Variants in MYH15 observed in about 807,000 individuals in gnomAD.
MYH15 encodes myosin-15.
Under a neutral mutation model 240.5 loss-of-function variants are expected in MYH15, and 227 were observed. That is an observed-to-expected ratio of 0.94 (90% CI 0.85 to 1.05). The LOEUF (loss-of-function observed/expected upper bound fraction) is 1.05. Among genes scored for constraint, MYH15 ranks in the 50% least tolerant of loss-of-function variants. The probability of loss-of-function intolerance (pLI) is 0.00; values close to 1 mark genes in which losing one functional copy is unlikely to be tolerated. For missense variants in MYH15, 2,217 were observed against 2,247.5 expected, an observed-to-expected ratio of 0.99 and a Z score of 0.27; for synonymous variants, 785 against 796.7, an observed-to-expected ratio of 0.99 and a Z score of 0.25.
In MYH15 at chr3:108,454,040, T is replaced by C. The variant is rs781183879; in HGVS notation, c.2365A>G (p.Met789Val). 1 of 1,612,302 alleles carries C rather than the reference T, an allele frequency of 6.2e-7. No homozygotes were observed. Among genetic ancestry groups the C allele is most frequent in the Non-Finnish European group, 8.5e-7 (1 of 1,178,768 alleles). ...AGAATCTTCTGGAATTTGATTCGCA[T>C]CAGTTTGCCCTGTGCTCTGGCTTGG... is the stretch of plus-strand genomic sequence containing the variant. ...LFQARAQGKL[M>V]RIKFQKILEE... The change falls in exon 21 of 41, where the codon ATG (methionine) becomes GTG (valine). Residue 789 changes from methionine (M) to valine (V), a missense_variant. By Grantham distance (21) the Met-to-Val change is conservative. Coordinates refer to ENST00000693548, the MANE Select transcript of MYH15 (RefSeq NM_014981.3).
chr3:108,524,964 C>T (rs2107272321), intron 1 of MYH15, among the ~76,000 whole-genome samples: 1 of 152,154 alleles, frequency 6.6e-6, no homozygotes, highest in East Asian at 1.9e-4. Context: ...AGAGCCATGT[C>T]CTTTAAAGAT....
upstream of MYH15, among the ~76,000 whole-genome samples, chr3:108,531,278 G>A (rs1210743047): frequency 6.6e-6 from 1 of 152,116 alleles, no homozygotes; most frequent in African/African-American, 2.4e-5. Context: ...CAGAGAAGCC[G>A]GTGGGACCCC....
intron 27 of MYH15, among the ~76,000 whole-genome samples, chr3:108,423,519 G>T (rs778700441): frequency 2.0e-5 from 3 of 152,338 alleles, no homozygotes; most frequent in South Asian, 2.1e-4. Flanking sequence ...CTAACTAGAA[G>T]AAAGCTATAG....
intron 25 of MYH15, among the ~76,000 whole-genome samples, chr3:108,431,470 T>C (rs1207446439): frequency 6.6e-6 from 1 of 152,242 alleles, no homozygotes; most frequent in East Asian, 1.9e-4. Context: ...TCTCTCTTTT[T>C]GCCTGCAGCA....
At chr3:108,432,225 A>T (rs1560357006) in intron 25 of MYH15, among the ~76,000 whole-genome samples, 1 of 151,852 alleles carries the variant, frequency 6.6e-6, no homozygotes, top group Non-Finnish European at 1.5e-5. Flanking sequence ...TGCCCAGCAA[A>T]TTTTTTGTCT....
intron 33 of MYH15, among the ~76,000 whole-genome samples, chr3:108,402,471 C>T (rs536556548): frequency 6.6e-6 from 1 of 152,356 alleles, no homozygotes; most frequent in South Asian, 2.1e-4. Flanking sequence ...TTCCTATTGT[C>T]TATGGCTGTT....
intron 25 of MYH15, among the ~76,000 whole-genome samples, chr3:108,433,094 C>T (rs1407115635): frequency 1.3e-5 from 2 of 152,190 alleles, no homozygotes; most frequent in Non-Finnish European, 2.9e-5. Flanking sequence ...GGGAGGGAGG[C>T]TTTACCCTGC....
chr3:108,385,069 G>A (rs944422356), intron 38 of MYH15, among the ~76,000 whole-genome samples: 9 of 152,110 alleles, frequency 5.9e-5, no homozygotes. Flanking sequence ...AGCTATATCT[G>A]CCTGAAGCTA....
intron 30 of MYH15, among the ~76,000 whole-genome samples, chr3:108,411,443 C>A (rs555073335): frequency 6.6e-6 from 1 of 152,222 alleles, no homozygotes; most frequent in South Asian, 2.1e-4. Flanking sequence ...TTCTTCTCTC[C>A]GAGTTTGTTC....
At chr3:108,447,100 G>A (rs538269645) in intron 21 of MYH15, among the ~76,000 whole-genome samples, 21 of 152,050 alleles carry the variant, frequency 1.4e-4, no homozygotes, top group Non-Finnish European at 2.8e-4. Context: ...AAAATTCCAT[G>A]GAAAGTATAA....
chr3:108,517,098 T>C (rs906398577), intron 1 of MYH15, among the ~76,000 whole-genome samples: 1 of 152,216 alleles, frequency 6.6e-6, no homozygotes, highest in Non-Finnish European at 1.5e-5. Flanking sequence ...CTTCCTTTTC[T>C]TCTCTTTCCC....
chr3:108,492,102 T>A (rs980423938), intron 9 of MYH15, among the ~76,000 whole-genome samples: 3 of 151,582 alleles, frequency 2.0e-5, no homozygotes, highest in African/African-American at 7.3e-5. Flanking sequence ...GAGAGAAAAC[T>A]CCCATTGACC....
rs778571430 is a variant in MYH15, at chr3:108,416,900, T to A, written c.3860A>T (p.Glu1287Val). ...GEFLRRLEEK[E>V]ALINQLSREK... ...CCTGGAAAGTTGGTTTATCAGAGCCTCCTTCTCTTCAAGCCTCCGTAGGAA... is the reference window on the plus strand; with the variant it reads ...CCTGGAAAGTTGGTTTATCAGAGCCACCTTCTCTTCAAGCCTCCGTAGGAA... The change falls in exon 29 of 41, where the codon GAG (glutamate) becomes GTG (valine). Residue 1287 changes from glutamate to valine, a missense_variant. Transcript: ENST00000693548. The A allele has an allele frequency of 1.9e-6, 3 of 1,613,894 alleles. No individual in the cohort carries two copies. Among genetic ancestry groups the A allele is most frequent in the Non-Finnish European group, 2.5e-6 (3 of 1,179,906 alleles).
intron 23 of MYH15, 97 bp from the exon 24 acceptor site, chr3:108,440,010 G>T: frequency 9.2e-7 from 1 of 1,089,788 alleles, no homozygotes; most frequent in South Asian, 2.2e-5. Context: ...AACTACGCAT[G>T]AGGTATCCAA....
rs776016803 is a variant in MYH15, at chr3:108,493,069, G to A, written c.775+45C>T. ...AGGAAAGAGAAGGGAAGGGAAGGAA[G>A]GGAAGAAAAGAAAAAAGTAATCAGA... On this transcript the variant is annotated intron_variant, in intron 8 of 40. Transcript: ENST00000693548. 1.6e-5 allele frequency: 24 copies of A among 1,484,376 alleles called. 1 individual carries two copies. The South Asian group carries it at 2.0e-4, about 12-fold the overall frequency. The allele number at this position is 1,484,376 out of a possible 1,614,324, so 92.0% of individuals were successfully genotyped here. A position where few individuals can be genotyped will look rare whatever the true frequency, so the allele number is the denominator to read the frequency against.
intron 30 of MYH15, among the ~76,000 whole-genome samples, chr3:108,412,184 T>G (rs1033120636): frequency 6.6e-6 from 1 of 152,236 alleles, no homozygotes; most frequent in African/African-American, 2.4e-5. Flanking sequence ...CATCTTGTAG[T>G]TCCCATAATC....
At chr3:108,401,933 G>A (rs1404346880) in intron 33 of MYH15, among the ~76,000 whole-genome samples, 1 of 152,122 alleles carries the variant, frequency 6.6e-6, no homozygotes, top group Non-Finnish European at 1.5e-5. Flanking sequence ...AATATAGGAA[G>A]AAGTACCTTC....
In MYH15 at chr3:108,493,184, T is replaced by C; in HGVS notation, c.712-7A>G. ...GCATCCTGATGAATTTGCCCTAGTG[T>C]GGACACAGAACACAGTCAGACACAA... On this transcript the variant is annotated splice_polypyrimidine_tract_variant and splice_region_variant and intron_variant, in intron 7 of 40. Coordinates refer to ENST00000693548, the MANE Select transcript of MYH15 (RefSeq NM_014981.3). 6.2e-7 allele frequency: 1 copy of C among 1,613,514 alleles called. No homozygotes were observed.
At chr3:108,421,740 A>G (rs546693256) in intron 27 of MYH15, among the ~76,000 whole-genome samples, 1 of 152,316 alleles carries the variant, frequency 6.6e-6, no homozygotes, top group South Asian at 2.1e-4. Context: ...AAGGCTGCCC[A>G]AGCAGGATAG....
Sources: gnomAD v4.1 joint callset for allele counts (sites outside exome capture counted in the v4.1 genomes callset) on GRCh38, gnomAD v4.1.1 for gene constraint, MANE v1.5 for transcripts, NCBI Gene and HGNC (gene_info 2026-07-23, HGNC 2026-07-21) for gene names.